WHAMM: variants seen among roughly 807,000 people sequenced by gnomAD.
The protein encoded by WHAMM is WASP homolog associated with actin, golgi membranes and microtubules.
A neutral mutation model predicts 76.5 loss-of-function variants in WHAMM; 67 were observed. That is an observed-to-expected ratio of 0.88 (90% CI 0.72 to 1.07). The LOEUF is 1.07. Ranked by LOEUF, WHAMM falls within the 50% of genes least tolerant of loss-of-function variation. The pLI is 0.00. For synonymous variants in WHAMM, 419 were observed against 422.1 expected (o/e 0.99, Z 0.09); for missense variants, 1,021 against 1,051.1 (o/e 0.97, Z 0.40).
chr15:82,826,305 A>G (rs545593989), intron 6 of WHAMM, 105 bp from the exon 7 acceptor site: 105 of 1,174,800 alleles, frequency 8.9e-5, no homozygotes, highest in Non-Finnish European at 1.2e-4. Flanking sequence ...ATATTAATGA[A>G]TGCCTTACAC....
At chr15:82,816,171 A>G (rs143420480) in intron 2 of WHAMM, among the ~76,000 whole-genome samples, 6 of 152,290 alleles carry the variant, frequency 3.9e-5, no homozygotes, top group African/African-American at 1.4e-4. Flanking sequence ...CCCCATCTTC[A>G]AATATGATCA....
chr15:82,821,124 TC>T (rs1457010003), intron 5 of WHAMM, among the ~76,000 whole-genome samples: 10 of 152,192 alleles, frequency 6.6e-5, no homozygotes, highest in Non-Finnish European at 1.2e-4. Flanking sequence ...ATAGTCTTTG[TC>T]CATTTTTCTT....
chr15:82,810,095 G>A lies in WHAMM; in HGVS notation c.369G>A (p.Gly123=). 1 of 1,277,506 alleles carries A rather than the reference G, an allele frequency of 7.8e-7. No individual in the cohort carries two copies. The highest frequency in any genetic ancestry group is 9.9e-7 in the Non-Finnish European group (1 of 1,010,630). 79.1% of individuals were successfully genotyped at this position (1,277,506 alleles called of 1,614,324 possible). A position where few individuals can be genotyped will look rare whatever the true frequency, so the allele number is the denominator to read the frequency against. The change falls in exon 1 of 10, where the codon GGG becomes GGA. Residue 123 remains glycine (G), a synonymous_variant. Coordinates refer to ENST00000286760, the MANE Select transcript of WHAMM (RefSeq NM_001080435.3). Reference sequence around the variant, plus strand: ...GCGGCGGCGGGGCCTGGGGTCTGGGGCTCGGGCTGTGGGCGCTGCTGTGGC... The same window carrying A: ...GCGGCGGCGGGGCCTGGGGTCTGGGACTCGGGCTGTGGGCGCTGCTGTGGC... The part of the protein sequence containing the change: ...DVGGGGAWGL[G]LGLWALLWPT...
intron 9 of WHAMM, 34 bp from the exon 10 acceptor site, chr15:82,833,195 A>T: frequency 6.3e-7 from 1 of 1,590,238 alleles, no homozygotes; most frequent in East Asian, 2.3e-5. Flanking sequence ...AAAGTGTTTT[A>T]TTGATAGTAC....
chr15:82,825,724 G>A (rs937163413), intron 6 of WHAMM, among the ~76,000 whole-genome samples: 1 of 151,696 alleles, frequency 6.6e-6, no homozygotes, highest in Admixed American at 6.6e-5. Context: ...GGAGGTGGAG[G>A]TTGCAGTGAG....
rs780200310 is a variant in WHAMM at position 82,823,158 on chromosome 15, C to T, written c.1329C>T (p.Val443=). ...DPCENPEELK[V]IDCVVGLQDD... ...GTGAAAATCCAGAGGAACTTAAAGT[C>T]ATTGACTGTGTGGTGGGGCTGCAGG... is the stretch of plus-strand genomic sequence containing the variant. Residue 443 remains valine (V), a synonymous_variant, in exon 6 of 10, where the codon GTC becomes GTT. Coordinates refer to ENST00000286760, the MANE Select transcript of WHAMM (RefSeq NM_001080435.3). 1.3e-6 allele frequency: 2 copies of T among 1,547,066 alleles called. No homozygotes were observed. The highest frequency in any genetic ancestry group is 1.3e-5 in the South Asian group (1 of 79,350).
Position 82,833,285 on chromosome 15 carries a change from G to C in WHAMM, c.2179G>C (p.Val727Leu). 5 of 1,614,026 alleles carry C rather than the reference G, an allele frequency of 3.1e-6. No homozygotes were observed. The highest frequency in any genetic ancestry group is 4.2e-6 in the Non-Finnish European group (5 of 1,179,886). The change falls in exon 10 of 10, where the codon GTG (valine) becomes CTG (leucine). Residue 727 changes from valine (V) to leucine (L), a missense_variant. Coordinates refer to ENST00000286760, the MANE Select transcript of WHAMM (RefSeq NM_001080435.3). ...GCATGGCAGAGCTCCTCTCCGGAAG[G>C]TGGAAGTGCCGGCGGTGCGCCCTCC... ...LRHGRAPLRK[V>L]EVPAVRPPHA...
intron 7 of WHAMM, 86 bp downstream of exon 7, chr15:82,826,582 C>A (rs977654036): frequency 2.5e-6 from 4 of 1,583,426 alleles, no homozygotes; most frequent in East Asian, 4.5e-5. Flanking sequence ...TTGCGCTGCC[C>A]TGGACCTGCA....
At chr15:82,824,002 TTA>T (rs767545407) in intron 6 of WHAMM, among the ~76,000 whole-genome samples, 55 of 152,276 alleles carry the variant, frequency 3.6e-4, no homozygotes, top group Middle Eastern at 3.4e-3. Flanking sequence ...ACCTCAGACA[TTA>T]TATTTGGTGA....
intron 3 of WHAMM, among the ~76,000 whole-genome samples, chr15:82,817,514 T>C (rs574975333): frequency 7.7e-4 from 117 of 152,326 alleles, no homozygotes; most frequent in Non-Finnish European, 1.3e-3. Context: ...CTGTTAAGCA[T>C]GATTCTTGAT....
intron 6 of WHAMM, among the ~76,000 whole-genome samples, chr15:82,824,342 T>A (rs1007442641): frequency 1.5e-4 from 22 of 150,808 alleles, no homozygotes; most frequent in African/African-American, 4.9e-4. Context: ...ATATATATAT[T>A]TTTGAGATGG....
chr15:82,823,213 A>G lies in WHAMM; in HGVS notation c.1384A>G (p.Arg462Gly). The part of the protein sequence containing the change: ...DDKNLEVKEL[R>G]RQCQQLESKR... ...TAAGAATTTGGAAGTGAAAGAACTCAGAAGGCAGTGCCAGCAGCTGGAGTC... is the reference window on the plus strand; with the variant it reads ...TAAGAATTTGGAAGTGAAAGAACTCGGAAGGCAGTGCCAGCAGCTGGAGTC... Residue 462 changes from arginine to glycine, a missense_variant, in exon 6 of 10, where the codon AGA (arginine) becomes GGA (glycine). Arg to Gly is a moderately radical substitution (Grantham distance 125). Transcript: ENST00000286760. 1 of 1,589,880 alleles carries G rather than the reference A, an allele frequency of 6.3e-7. No homozygotes were observed. The highest frequency in any genetic ancestry group is 8.6e-7 in the Non-Finnish European group (1 of 1,165,604).
Position 82,809,984 on chromosome 15 carries a change from G to T in WHAMM, c.258G>T (p.Gly86=), listed in dbSNP as rs1315145605. ...GGGCCGGCCTGCTCTCGGCCGCGGG[G>T]CTCCGCGGCGCGCACCGGCAGTTGG... ...SSWAGLLSAA[G]LRGAHRQLAA... is the part of the protein sequence containing the mutation. Residue 86 remains glycine (G), a synonymous_variant, in exon 1 of 10, where the codon GGG becomes GGT. Coordinates refer to ENST00000286760, the MANE Select transcript of WHAMM (RefSeq NM_001080435.3). The T allele has an allele frequency of 1.6e-6, 2 of 1,282,158 alleles. No homozygotes were observed. The highest frequency in any genetic ancestry group is 7.7e-5 in the Admixed American group (2 of 26,076). The allele number at this position is 1,282,158 out of a possible 1,614,324, so 79.4% of individuals were successfully genotyped here.
intron 6 of WHAMM, among the ~76,000 whole-genome samples, chr15:82,824,049 A>G (rs755898767): frequency 1.3e-5 from 2 of 152,084 alleles, no homozygotes; most frequent in Non-Finnish European, 2.9e-5. Flanking sequence ...CCATGAATAC[A>G]TAAAAAGATA....
At chr15:82,827,585 A>G (rs1181148618) in intron 8 of WHAMM, among the ~76,000 whole-genome samples, 2 of 152,238 alleles carry the variant, frequency 1.3e-5, no homozygotes, top group Admixed American at 1.3e-4. Context: ...TAATGATCAA[A>G]TCAGGGTAAT....
intron 6 of WHAMM, among the ~76,000 whole-genome samples, chr15:82,825,143 A>G (rs1328525082): frequency 2.6e-5 from 4 of 152,182 alleles, no homozygotes; most frequent in Non-Finnish European, 5.9e-5. Flanking sequence ...AAATAAAAAT[A>G]AAAAACTTTG....
chr15:82,831,954 A>G (rs964534400), intron 9 of WHAMM, among the ~76,000 whole-genome samples: 3 of 152,234 alleles, frequency 2.0e-5, no homozygotes, highest in African/African-American at 7.2e-5. Context: ...CAATCTGGCT[A>G]TTCTGAGTTC....
Position 82,830,671 on chromosome 15 carries a change from T to G in WHAMM, c.1714T>G (p.Ser572Ala). The G allele has an allele frequency of 6.2e-7, 1 of 1,613,998 alleles. No homozygotes were observed. The highest frequency in any genetic ancestry group is 8.5e-7 in the Non-Finnish European group (1 of 1,179,886). ...GGCTCCAAACCTGCCAAGTGATCTT[T>G]CCCAGCAGATGTGCTTGCCAGCTTC... ...PVAPNLPSDL[S>A]QQMCLPASHA... The change falls in exon 9 of 10, where the codon TCC becomes GCC. Residue 572 changes from serine (S) to alanine (A), a missense_variant. Around this residue, in one of 3 missense-constraint regions of WHAMM, gnomAD observed 509 missense variants for 492.3 expected, o/e 1.03. Transcript: ENST00000286760.
At chr15:82,828,409 C>G (rs75568651) in intron 8 of WHAMM, among the ~76,000 whole-genome samples, 1 of 152,122 alleles carries the variant, frequency 6.6e-6, no homozygotes, top group South Asian at 2.1e-4. Flanking sequence ...TGCCCTGGAT[C>G]GGGGCCTGGG....
Sources: allele counts gnomAD v4.1 joint callset (sites outside exome capture counted in the v4.1 genomes callset), GRCh38; gene constraint gnomAD v4.1.1; regional missense constraint gnomAD v4.1.1; transcripts MANE v1.5; gene names NCBI Gene and HGNC (gene_info 2026-07-23, HGNC 2026-07-21).